Variants in GTPBP10 observed in about 807,000 individuals in gnomAD.
GTPBP10 encodes the protein GTP-binding protein 10.
GTPBP10 carries 38 observed loss-of-function variants against 44.8 expected under a neutral mutation model. The observed-to-expected ratio is 0.85, with a 90% confidence interval of 0.65 to 1.11. The LOEUF (loss-of-function observed/expected upper bound fraction) is 1.11. GTPBP10 is among the 50% of genes most tolerant of loss of function. The probability of loss-of-function intolerance (pLI) is 0.00; values close to 1 mark genes in which losing one functional copy is unlikely to be tolerated. For synonymous variants in GTPBP10, 152 were observed against 150.6 expected, an observed-to-expected ratio of 1.01 and a Z score of -0.07; for missense variants, 462 against 453.7, an observed-to-expected ratio of 1.02 and a Z score of -0.17.
Position 90,383,022 on chromosome 7 carries a change from T to C in GTPBP10, c.844T>C (p.Leu282=). 1 of 1,598,470 alleles carries C rather than the reference T, an allele frequency of 6.3e-7. No homozygotes were observed. The highest frequency in any genetic ancestry group is 8.5e-7 in the Non-Finnish European group (1 of 1,169,834). The change falls in exon 9 of 10, where the codon TTG becomes CTG. Residue 282 remains leucine (L), a synonymous_variant. Transcript: ENST00000222511. ...PALLAVNKMD[L]PDAQDKFHEL... Reference sequence around the variant, plus strand: ...ACTCTTGGCAGTTAATAAAATGGACTTGCCAGATGCCCAAGATAAGTTCCA... The same window carrying C: ...ACTCTTGGCAGTTAATAAAATGGACCTGCCAGATGCCCAAGATAAGTTCCA...
Position 90,387,723 on chromosome 7 carries a change from C to T in GTPBP10, c.*2569C>T, listed in dbSNP as rs980258205. On this transcript the variant is annotated 3_prime_UTR_variant, in exon 10 of 10. Transcript: ENST00000222511. The stretch of plus-strand genomic sequence containing the variant: ...AAGAGAACAGACAGGACCTACTGTC[C>T]TTGTATATCTTGCCTTTGATAACAG... 1.3e-5 allele frequency: 2 copies of T among 152,164 alleles called. No individual in the cohort carries two copies. Among genetic ancestry groups the T allele is most frequent in the Non-Finnish European group, 2.9e-5 (2 of 68,046 alleles). 9.4% of individuals were successfully genotyped at this position (152,164 alleles called of 1,614,324 possible).
chr7:90,360,847 T>G (rs1386417198), intron 4 of GTPBP10, among the ~76,000 whole-genome samples: 1 of 152,178 alleles, frequency 6.6e-6, no homozygotes, highest in African/African-American at 2.4e-5. Flanking sequence ...GAAGAGGTCC[T>G]TCACATCCCT....
At chr7:90,370,924 G>A (rs1271793186) in intron 4 of GTPBP10, among the ~76,000 whole-genome samples, 4 of 151,712 alleles carry the variant, frequency 2.6e-5, no homozygotes, top group Admixed American at 2.0e-4. Context: ...GGAGAATGGC[G>A]TGAACCGGGA....
chr7:90,383,647 A>G (rs1033779059), intron 9 of GTPBP10: 8 of 152,224 alleles, frequency 5.3e-5, no homozygotes, highest in Admixed American at 5.2e-4. Context: ...TTCCTGGACT[A>G]TATGTAAAGT....
chr7:90,372,830 T>G (rs1796283380), intron 5 of GTPBP10, among the ~76,000 whole-genome samples: 1 of 152,068 alleles, frequency 6.6e-6, no homozygotes, highest in South Asian at 2.1e-4. Context: ...TGGAGCCACA[T>G]TAGGTTCTGG....
At chr7:90,360,751 C>T (rs1367327664) in intron 4 of GTPBP10, among the ~76,000 whole-genome samples, 1 of 152,104 alleles carries the variant, frequency 6.6e-6, no homozygotes, top group Non-Finnish European at 1.5e-5. Context: ...TTTCATGATA[C>T]TGATTCTTCC....
intron 4 of GTPBP10, chr7:90,371,224 T>C: frequency 1.0e-6 from 1 of 959,396 alleles, no homozygotes; most frequent in Non-Finnish European, 1.2e-6. Flanking sequence ...TCTGTCTACC[T>C]GTATACACAT....
chr7:90,358,243 A>G (rs768701094), intron 4 of GTPBP10, among the ~76,000 whole-genome samples: 1 of 152,212 alleles, frequency 6.6e-6, no homozygotes, highest in Non-Finnish European at 1.5e-5. Context: ...AAAGATCTCT[A>G]CAAGGAGAAC....
At chr7:90,380,635 A>G (rs1038593479) in intron 8 of GTPBP10, among the ~76,000 whole-genome samples, 2 of 152,246 alleles carry the variant, frequency 1.3e-5, no homozygotes, top group African/African-American at 2.4e-5. Flanking sequence ...CCATCATCTT[A>G]CATACTATTT....
At chr7:90,370,784 T>C (rs1045696715) in intron 4 of GTPBP10, among the ~76,000 whole-genome samples, 38 of 152,250 alleles carry the variant, frequency 2.5e-4, no homozygotes, top group African/African-American at 9.1e-4. Context: ...GGTGGGCAGA[T>C]CACGAGGTCA....
At chr7:90,364,121 T>G (rs1796084085) in intron 4 of GTPBP10, among the ~76,000 whole-genome samples, 1 of 152,252 alleles carries the variant, frequency 6.6e-6, no homozygotes, top group Non-Finnish European at 1.5e-5. Context: ...ATCTGAAGCC[T>G]TCTTCTCTCA....
intron 4 of GTPBP10, among the ~76,000 whole-genome samples, chr7:90,371,930 G>T (rs1427257593): frequency 6.6e-6 from 1 of 151,400 alleles, no homozygotes; most frequent in African/African-American, 2.4e-5. Flanking sequence ...AATCATAATT[G>T]GAATAATTAT....
intron 8 of GTPBP10, 187 bp downstream of exon 8, chr7:90,378,398 A>G (rs779605382): frequency 5.5e-5 from 19 of 343,638 alleles, no homozygotes; most frequent in Non-Finnish European, 7.8e-5. Context: ...ACTGCAGTGG[A>G]TAAAACACTC....
rs1394129085 is a variant in GTPBP10, at chr7:90,388,979, A to G, written c.*3825A>G. 3 of 152,364 alleles carry G rather than the reference A, an allele frequency of 2.0e-5. No homozygotes were observed. The East Asian group carries it at 5.8e-4, about 29-fold the overall frequency. 9.4% of individuals were successfully genotyped at this position (152,364 alleles called of 1,614,324 possible). A position where few individuals can be genotyped will look rare whatever the true frequency, so the allele number is the denominator to read the frequency against. ...CAGATGCACTTTAAAACTGTAGCTT[A>G]AAAATAAAAATTAGTAATATAACTT... On this transcript the variant is annotated 3_prime_UTR_variant, in exon 10 of 10. Coordinates refer to ENST00000222511, the MANE Select transcript of GTPBP10 (RefSeq NM_033107.4).
intron 4 of GTPBP10, among the ~76,000 whole-genome samples, chr7:90,367,683 T>C (rs934376542): frequency 3.3e-5 from 5 of 152,354 alleles, no homozygotes; most frequent in Non-Finnish European, 7.4e-5. Flanking sequence ...TCTTTGCACA[T>C]GAGATGGGTC....
At chr7:90,351,563 A>G (rs17867279) in intron 1 of GTPBP10, among the ~76,000 whole-genome samples, 43,245 of 152,114 alleles carry the variant, frequency 0.28, 7,067 homozygotes, top group East Asian at 0.68. Context: ...AAGTTTTTTC[A>G]AATTGTTGCA....
In GTPBP10 at chr7:90,352,833, T is replaced by G. The variant is rs781238237; in HGVS notation, c.51T>G (p.Asp17Glu). 6.3e-7 allele frequency: 1 copy of G among 1,586,968 alleles called. No individual in the cohort carries two copies. Among genetic ancestry groups the G allele is most frequent in the Non-Finnish European group, 8.5e-7 (1 of 1,171,232 alleles). The change falls in exon 2 of 10, where the codon GAT (aspartate) becomes GAG (glutamate). Residue 17 changes from aspartate (D) to glutamate (E), a missense_variant. By Grantham distance (45) the Asp-to-Glu change is conservative. Coordinates refer to ENST00000222511, the MANE Select transcript of GTPBP10 (RefSeq NM_033107.4). ...TTTTTAAGTATGGAAATTTCATCGA[T>G]AAGCTAAGACTCTTCACCAGGGGAG... is the stretch of plus-strand genomic sequence containing the variant. ...VLFRKYGNFI[D>E]KLRLFTRGGS...
Position 90,354,478 on chromosome 7 carries a change from C to T in GTPBP10, c.248C>T (p.Ser83Phe). The T allele has an allele frequency of 1.3e-6, 2 of 1,581,540 alleles. No homozygotes were observed. Among genetic ancestry groups the T allele is most frequent in the Non-Finnish European group, 1.7e-6 (2 of 1,163,674 alleles). Residue 83 changes from serine (S) to phenylalanine (F), a missense_variant, in exon 3 of 10, where the codon TCC becomes TTC. Ser to Phe is a radical substitution (Grantham distance 155, BLOSUM62 -2). Transcript: ENST00000222511. Reference protein sequence around the residue: ...ANSKISALKGSKGKDCEIPVP... With the variant: ...ANSKISALKGFKGKDCEIPVP... ...GGTAGAATTAGTGCACTGAAAGGCT[C>T]CAAAGGAAAAGACTGTGAAATCCCT...
intron 4 of GTPBP10, among the ~76,000 whole-genome samples, chr7:90,363,080 C>G (rs998273632): frequency 6.6e-6 from 1 of 152,106 alleles, no homozygotes; most frequent in Non-Finnish European, 1.5e-5. Context: ...GGTCTTGACT[C>G]TTTATCCAAT....
Sources: gnomAD v4.1 joint callset for allele counts (sites outside exome capture counted in the v4.1 genomes callset) on GRCh38, gnomAD v4.1.1 for gene constraint, MANE v1.5 for transcripts, NCBI Gene and HGNC (gene_info 2026-07-23, HGNC 2026-07-21) for gene names.